The following ATP8B4 variants were observed in gnomAD, a reference collection of about 807,000 sequenced individuals.
ATP8B4 encodes ATPase phospholipid transporting 8B4 (putative), also known as probable phospholipid-transporting ATPase IM.
ATP8B4 carries 133 observed loss-of-function variants against 145.6 expected under a neutral mutation model. The ratio of observed to expected loss-of-function variants is 0.91; its 90% CI spans 0.79 to 1.05. The LOEUF (loss-of-function observed/expected upper bound fraction) is 1.05, where lower values mean the gene tolerates loss of function less well. Among genes scored for constraint, ATP8B4 ranks in the 50% least tolerant of loss-of-function variants. ATP8B4 has a pLI of 0.00. For synonymous variants in ATP8B4, 507 were observed against 492.9 expected (o/e 1.03, Z -0.38); for missense variants, 1,458 against 1,425.2 (o/e 1.02, Z -0.37).
chr15:50,021,589 G>T (rs1304783072), intron 6 of ATP8B4, among the ~76,000 whole-genome samples: 2 of 151,984 alleles, frequency 1.3e-5, no homozygotes, highest in African/African-American at 4.8e-5. Context: ...CTCTTCAAGG[G>T]GCCTTCTCTG....
intron 1 of ATP8B4, among the ~76,000 whole-genome samples, chr15:50,179,601 A>G (rs952180375): frequency 2.6e-5 from 4 of 151,918 alleles, no homozygotes; most frequent in African/African-American, 9.7e-5. Context: ...CTAACCCTCA[A>G]TGTGATGGTA....
intron 1 of ATP8B4, among the ~76,000 whole-genome samples, chr15:50,156,781 T>C (rs2044427137): frequency 6.6e-6 from 1 of 152,218 alleles, no homozygotes; most frequent in Admixed American, 6.5e-5. Flanking sequence ...CATGACTTAA[T>C]GTTTGAGATT....
Position 49,876,447 on chromosome 15 carries a change from CGCTT to C in ATP8B4, c.2854_2857del (p.Lys952ValfsTer15). 6.2e-7 allele frequency: 1 copy of C among 1,614,136 alleles called. No individual in the cohort carries two copies. ...ATGCAACACGCAAATGAAAAATTTA[CGCTT>C]GTTAAAAAGCAGATTCAGCTGTCCT... On this transcript the variant is annotated frameshift_variant, in exon 25 of 28. Coordinates refer to ENST00000284509, the MANE Select transcript of ATP8B4 (RefSeq NM_024837.4). LOFTEE classifies it high-confidence loss of function.
chr15:50,017,990 T>C (rs12593730), intron 6 of ATP8B4, among the ~76,000 whole-genome samples: 3 of 82,994 alleles, frequency 3.6e-5, no homozygotes, highest in South Asian at 5.1e-4. Flanking sequence ...TCTTTTTTTT[T>C]CTTTTTTTTT....
intron 2 of ATP8B4, among the ~76,000 whole-genome samples, chr15:50,087,418 A>G (rs2055288470): frequency 6.8e-6 from 1 of 146,450 alleles, no homozygotes; most frequent in South Asian, 2.1e-4. Context: ...TATATATTAC[A>G]TATCATATAT....
At chr15:50,003,965 C>T (rs184292543) in intron 7 of ATP8B4, among the ~76,000 whole-genome samples, 3 of 152,284 alleles carry the variant, frequency 2.0e-5, no homozygotes, top group Admixed American at 2.0e-4. Flanking sequence ...CACAGGCTGA[C>T]CCCCATAGGT....
chr15:50,092,174 T>C (rs1226679852), intron 2 of ATP8B4, among the ~76,000 whole-genome samples: 1 of 152,068 alleles, frequency 6.6e-6, no homozygotes, highest in African/African-American at 2.4e-5. Flanking sequence ...GACAAACCAA[T>C]GAAAACATAC....
At chr15:49,873,120 T>A (rs908059991) in intron 25 of ATP8B4, among the ~76,000 whole-genome samples, 1 of 152,230 alleles carries the variant, frequency 6.6e-6, no homozygotes, top group African/African-American at 2.4e-5. Context: ...TTTTTAATTA[T>A]AAAATAATTC....
In ATP8B4 at chr15:50,002,207, A is replaced by T. The variant is rs759399622; in HGVS notation, c.452T>A (p.Leu151Gln). The T allele has an allele frequency of 6.2e-7, 1 of 1,610,372 alleles. No homozygotes were observed. The highest frequency in any genetic ancestry group is 1.1e-5 in the South Asian group (1 of 90,788). Reference protein sequence around the residue: ...NQFVAADLLLLSSSEPHGLCY... With the variant: ...NQFVAADLLLQSSSEPHGLCY... ...GAGACCATGTGGCTCACTACTTGATAGGAGAAGTAAATCAGCCTATTTTCA... is the reference window on the plus strand; with the variant it reads ...GAGACCATGTGGCTCACTACTTGATTGGAGAAGTAAATCAGCCTATTTTCA... Residue 151 changes from leucine (L) to glutamine (Q), a missense_variant, in exon 8 of 28, where the codon CTA (leucine) becomes CAA (glutamine). Coordinates refer to ENST00000284509, the MANE Select transcript of ATP8B4 (RefSeq NM_024837.4).
chr15:49,986,884 A>G (rs1406131115), intron 10 of ATP8B4, among the ~76,000 whole-genome samples: 4 of 115,018 alleles, frequency 3.5e-5, no homozygotes, highest in Non-Finnish European at 5.0e-5. Flanking sequence ...CCCATCATGC[A>G]CAGTCTTTCC....
chr15:50,169,464 T>A (rs978332394), intron 1 of ATP8B4, among the ~76,000 whole-genome samples: 10 of 152,072 alleles, frequency 6.6e-5, no homozygotes, highest in African/African-American at 2.4e-4. Flanking sequence ...AGGAGCCACA[T>A]CCATAGGAAA....
At chr15:50,111,682 C>G (rs934326779) in intron 1 of ATP8B4, among the ~76,000 whole-genome samples, 1 of 152,178 alleles carries the variant, frequency 6.6e-6, no homozygotes, top group African/African-American at 2.4e-5. Flanking sequence ...GAATCTGGGG[C>G]AAATAAGCTC....
At position 50,166,383 on chromosome 15, in the gene ATP8B4, C is replaced by T. The variant is rs544418016; in HGVS notation, c.-43+15878G>A. Among the ~76,000 whole-genome samples, 16 of 152,268 alleles carry T rather than the reference C, an allele frequency of 1.1e-4. No homozygotes were observed. The East Asian group carries it at 1.4e-3, about 13-fold the overall frequency. On this transcript the variant is annotated intron_variant, in intron 1 of 3. Transcript: ENST00000558829. ...GTAAGCACTAAATTACATCATAATT[C>T]ATTAGCAATAGAAAGTAGCTATTCA...
At chr15:50,050,182 C>T (rs1420546916) in intron 3 of ATP8B4, among the ~76,000 whole-genome samples, 1 of 152,226 alleles carries the variant, frequency 6.6e-6, no homozygotes, top group Non-Finnish European at 1.5e-5. Flanking sequence ...TCCATCCCAG[C>T]TTCTCTGCAT....
intron 21 of ATP8B4, 101 bp downstream of exon 21, chr15:49,900,991 A>G (rs2037961833): frequency 2.1e-6 from 3 of 1,420,690 alleles, no homozygotes; most frequent in Admixed American, 2.2e-5. Flanking sequence ...TAGTAGTGAC[A>G]TTTGTCTGGA....
intron 25 of ATP8B4, among the ~76,000 whole-genome samples, chr15:49,875,601 A>C (rs969921315): frequency 6.6e-6 from 1 of 152,232 alleles, no homozygotes; most frequent in African/African-American, 2.4e-5. Context: ...CTGGAGGCCA[A>C]GGTGAGCAAT....
intron 5 of ATP8B4, among the ~76,000 whole-genome samples, chr15:50,041,088 A>G (rs1039518069): frequency 2.0e-5 from 3 of 152,222 alleles, no homozygotes; most frequent in African/African-American, 4.8e-5. Flanking sequence ...CAAAGCCAAT[A>G]TTCTTTCTAC....
chr15:49,951,840 C>CA (rs1215959359), intron 14 of ATP8B4, among the ~76,000 whole-genome samples: 1 of 152,082 alleles, frequency 6.6e-6, no homozygotes, highest in Non-Finnish European at 1.5e-5. Flanking sequence ...CGGGTTTTTC[C>CA]TTTCCATATT....
intron 3 of ATP8B4, among the ~76,000 whole-genome samples, chr15:50,048,154 G>A (rs1161927460): frequency 6.6e-6 from 1 of 152,096 alleles, no homozygotes; most frequent in Admixed American, 6.5e-5. Context: ...TGTTAGAGTG[G>A]GTGGAGAGCT....
Sources: allele counts gnomAD v4.1 joint callset (sites outside exome capture counted in the v4.1 genomes callset), GRCh38; gene constraint gnomAD v4.1.1; transcripts MANE v1.5; gene names NCBI Gene and HGNC (gene_info 2026-07-23, HGNC 2026-07-21).